The following CNTNAP5 variants were observed in gnomAD, a reference collection of about 807,000 sequenced individuals.
CNTNAP5 encodes contactin-associated protein-like 5.
A neutral mutation model predicts 150.2 loss-of-function variants in CNTNAP5; 72 were observed. The observed-to-expected ratio is 0.48, with a 90% confidence interval of 0.40 to 0.58. The LOEUF (loss-of-function observed/expected upper bound fraction) is 0.58, where lower values mean the gene tolerates loss of function less well. Ranked by LOEUF, CNTNAP5 falls within the 20% of genes least tolerant of loss-of-function variation. CNTNAP5 has a pLI of 0.00. For missense variants in CNTNAP5, 1,636 were observed against 1,626.2 expected (o/e 1.01, Z -0.10); for synonymous variants, 672 against 619.8 (o/e 1.08, Z -1.25).
intron 22 of CNTNAP5, among the ~76,000 whole-genome samples, chr2:124,905,426 A>C (rs1678516116): frequency 6.6e-6 from 1 of 152,140 alleles, no homozygotes; most frequent in South Asian, 2.1e-4. Flanking sequence ...ATGTAACGAA[A>C]ATAAATTAAA....
rs1347552015 is a variant in CNTNAP5 at position 124,412,743 on chromosome 2, A to C, written c.382-4700A>C. Among the ~76,000 whole-genome samples the C allele has an allele frequency of 3.6e-5, 4 of 111,340 alleles. No homozygotes were observed. The East Asian group carries it at 1.2e-3, about 32-fold the overall frequency. The allele number at this position is 111,340 out of a possible 152,430, so 73.0% of individuals were successfully genotyped here. ...CAAAAATCAATTCAAGATGGATTAA[A>C]GATTTAAACGTTAGACCTAAAACCA... On this transcript the variant is annotated intron_variant, in intron 3 of 23. Coordinates refer to ENST00000682447, the MANE Select transcript of CNTNAP5 (RefSeq NM_001367498.1).
rs760066199 is a variant in CNTNAP5 at position 124,763,792 on chromosome 2, T to C, written c.2355T>C (p.Tyr785=). 2 of 1,613,064 alleles carry C rather than the reference T, an allele frequency of 1.2e-6. No individual in the cohort carries two copies. Among genetic ancestry groups the C allele is most frequent in the Non-Finnish European group, 1.7e-6 (2 of 1,179,440 alleles). The change falls in exon 15 of 24, where the codon TAT becomes TAC. Residue 785 remains tyrosine (Y), a synonymous_variant. Transcript: ENST00000682447. ...AAWRIGPLRC[Y]GDRRFWNAVS... is the part of the protein sequence containing the mutation. ...GGAGAATTGGTCCCTTGCGTTGCTA[T>C]GGTGACCGTGAGTACAAAATCGAAA... is the stretch of plus-strand genomic sequence containing the variant.
At chr2:124,867,233 A>C (rs1306519750) in intron 20 of CNTNAP5, among the ~76,000 whole-genome samples, 2 of 152,238 alleles carry the variant, frequency 1.3e-5, no homozygotes, top group Non-Finnish European at 2.9e-5. Context: ...CAAGCAAACA[A>C]GCCAGCATAT....
chr2:124,199,413 C>CTT (rs70996049), intron 1 of CNTNAP5, among the ~76,000 whole-genome samples: 2,304 of 109,994 alleles, frequency 0.021, 157 homozygotes, highest in African/African-American at 0.037. Context: ...TTCCAAGGTT[C>CTT]TTTTTTTTTT....
chr2:124,908,234 G>T (rs1381813738), intron 22 of CNTNAP5, among the ~76,000 whole-genome samples: 1 of 152,036 alleles, frequency 6.6e-6, no homozygotes, highest in Non-Finnish European at 1.5e-5. Flanking sequence ...AGCTGGGCAT[G>T]GTGGTGCACA....
rs1372360662 is a variant in CNTNAP5 at position 124,533,774 on chromosome 2, G to C, written c.1649+6318G>C. Among the ~76,000 whole-genome samples, 9 of 152,154 alleles carry C rather than the reference G, an allele frequency of 5.9e-5. No individual in the cohort carries two copies. In the East Asian group the frequency reaches 1.7e-3, roughly 29 times the overall value. Reference sequence around the variant, plus strand: ...AAACAAAGCCTTCATGAATAACAAGGAAAATGATCAGATCCTCTGGCACGC... The same window carrying C: ...AAACAAAGCCTTCATGAATAACAAGCAAAATGATCAGATCCTCTGGCACGC... On this transcript the variant is annotated intron_variant, in intron 10 of 23. Transcript: ENST00000682447.
At chr2:124,215,712 C>CAAAAAAAA (rs397985759) in intron 1 of CNTNAP5, among the ~76,000 whole-genome samples, 6 of 82,058 alleles carry the variant, frequency 7.3e-5, no homozygotes, top group Non-Finnish European at 1.5e-4. Flanking sequence ...AGAAGAAAGG[C>CAAAAAAAA]AAAAAAAAAA....
In CNTNAP5 at chr2:124,563,255, C is replaced by G; in HGVS notation, c.1688C>G (p.Ser563Cys). 1 of 1,594,052 alleles carries G rather than the reference C, an allele frequency of 6.3e-7. No individual in the cohort carries two copies. Among genetic ancestry groups the G allele is most frequent in the Non-Finnish European group, 8.6e-7 (1 of 1,169,530 alleles). Residue 563 changes from serine to cysteine, a missense_variant, in exon 11 of 24, where the codon TCC becomes TGC. Transcript: ENST00000682447. ...TACTGTGAACATGGAGGAAGCTGCT[C>G]CCAGTCCTGGACTACCTTCTATTGT... ...PNYCEHGGSCSQSWTTFYCNC... is the reference protein window; with the variant it reads ...PNYCEHGGSCCQSWTTFYCNC...
intron 11 of CNTNAP5, among the ~76,000 whole-genome samples, chr2:124,573,382 TC>T (rs1288303764): frequency 6.6e-6 from 1 of 152,174 alleles, no homozygotes; most frequent in African/African-American, 2.4e-5. Context: ...CTCTCCATCT[TC>T]CTCCAACCCC....
intron 3 of CNTNAP5, among the ~76,000 whole-genome samples, chr2:124,348,594 A>G (rs1234600469): frequency 6.6e-6 from 1 of 152,224 alleles, no homozygotes; most frequent in Non-Finnish European, 1.5e-5. Context: ...ACATGTAGAA[A>G]GAAGAGTATT....
chr2:124,476,879 G>A (rs549817368), intron 7 of CNTNAP5, among the ~76,000 whole-genome samples: 12 of 152,040 alleles, frequency 7.9e-5, no homozygotes, highest in Non-Finnish European at 1.6e-4. Flanking sequence ...GTCTTTTAAT[G>A]GCAATTTTAA....
intron 12 of CNTNAP5, among the ~76,000 whole-genome samples, chr2:124,641,082 C>T (rs1678082265): frequency 1.5e-5 from 2 of 137,150 alleles, no homozygotes; most frequent in Middle Eastern, 4.2e-3. Context: ...GCCGAGATTA[C>T]GCCATTACAC....
chr2:124,657,331 C>T (rs1434587672), intron 13 of CNTNAP5, among the ~76,000 whole-genome samples: 2 of 152,214 alleles, frequency 1.3e-5, no homozygotes, highest in Non-Finnish European at 2.9e-5. Context: ...TTATCTTTCT[C>T]ATTTCAGTAA....
chr2:124,425,878 C>G (rs1692227496), intron 4 of CNTNAP5, among the ~76,000 whole-genome samples: 1 of 152,078 alleles, frequency 6.6e-6, no homozygotes, highest in African/African-American at 2.4e-5. Flanking sequence ...TGCTTAATAC[C>G]TGCCAATGAA....
At chr2:124,433,277 G>T (rs1010648710) in intron 4 of CNTNAP5, among the ~76,000 whole-genome samples, 1 of 152,148 alleles carries the variant, frequency 6.6e-6, no homozygotes, top group Non-Finnish European at 1.5e-5. Context: ...AAGTCTCTTT[G>T]TATATGGACA....
chr2:124,475,910 G>A (rs996324844), intron 7 of CNTNAP5, among the ~76,000 whole-genome samples: 3 of 152,018 alleles, frequency 2.0e-5, no homozygotes, highest in Admixed American at 2.0e-4. Context: ...CTGGGCTTAA[G>A]TGCCTGTTTA....
chr2:124,872,118 A>G (rs954839773), intron 21 of CNTNAP5, among the ~76,000 whole-genome samples: 4 of 152,032 alleles, frequency 2.6e-5, no homozygotes, highest in African/African-American at 9.7e-5. Flanking sequence ...AATCCCATTC[A>G]ATGAATCATT....
rs1322378038 is a variant in CNTNAP5, at chr2:124,025,643, C to G, written c.-8C>G. On this transcript the variant is annotated 5_prime_UTR_variant, in exon 1 of 24. Coordinates refer to ENST00000682447, the MANE Select transcript of CNTNAP5 (RefSeq NM_001367498.1). ...ATTCGATTGGGAGGGACCGCTCACTCGGGGGAAATGGATTCTTTACCACGG... is the reference window on the plus strand; with the variant it reads ...ATTCGATTGGGAGGGACCGCTCACTGGGGGGAAATGGATTCTTTACCACGG... The G allele has an allele frequency of 6.2e-7, 1 of 1,613,602 alleles. No homozygotes were observed. The highest frequency in any genetic ancestry group is 1.7e-5 in the Admixed American group (1 of 59,998).
chr2:124,608,238 T>A (rs1040639207), intron 11 of CNTNAP5, among the ~76,000 whole-genome samples: 1 of 152,154 alleles, frequency 6.6e-6, no homozygotes, highest in Non-Finnish European at 1.5e-5. Context: ...GTGACATGAT[T>A]GGAGATGTAG....
Sources: allele counts gnomAD v4.1 joint callset (sites outside exome capture counted in the v4.1 genomes callset), GRCh38; gene constraint gnomAD v4.1.1; transcripts MANE v1.5; gene names NCBI Gene and HGNC (gene_info 2026-07-23, HGNC 2026-07-21).